Variants in DSG4 observed in about 807,000 individuals in gnomAD.
DSG4 encodes the protein desmoglein 4.
DSG4 carries 87 observed loss-of-function variants against 93.1 expected under a neutral mutation model. The observed-to-expected ratio is 0.93, with a 90% CI of 0.79 to 1.12. The LOEUF is 1.12. Among genes scored for constraint, DSG4 ranks in the 50% most tolerant of loss-of-function variants. The pLI, the probability that DSG4 is intolerant of heterozygous loss-of-function variation, is 0.00. For missense variants in DSG4, 1,373 were observed against 1,285.7 expected (o/e 1.07, Z -1.04); for synonymous variants, 432 against 452.9 (o/e 0.95, Z 0.59).
intron 8 of DSG4, among the ~76,000 whole-genome samples, chr18:31,398,171 T>C (rs1005197799): frequency 2.6e-5 from 4 of 152,178 alleles, no homozygotes; most frequent in African/African-American, 9.7e-5. Flanking sequence ...ATAATTTATA[T>C]TCAGTTCTGT....
At chr18:31,412,709 C>A in intron 15 of DSG4, 119 bp from the exon 16 acceptor site, 2 of 1,023,592 alleles carry the variant, frequency 2.0e-6, no homozygotes, top group African/African-American at 1.6e-5. Flanking sequence ...GTGATTGATA[C>A]CATTATTCAG....
chr18:31,414,287 C>T lies in DSG4; in HGVS notation c.*692C>T, dbSNP rs919719976. The T allele has an allele frequency of 4.7e-5, 7 of 148,588 alleles. No homozygotes were observed. Among genetic ancestry groups the T allele is most frequent in the Non-Finnish European group, 9.0e-5 (6 of 66,988 alleles). The allele number at this position is 148,588 out of a possible 1,614,324, so 9.2% of individuals were successfully genotyped here. On this transcript the variant is annotated 3_prime_UTR_variant, in exon 16 of 16. Coordinates refer to ENST00000308128, the MANE Select transcript of DSG4 (RefSeq NM_177986.5). ...TTAACTGTAAATTAATCTAGAATAG[C>T]AAAAAAAAATGACAATCCTAAAGTA...
chr18:31,377,023 C>T (rs111759738), intron 1 of DSG4, 64 bp downstream of exon 1: 27 of 1,548,050 alleles, frequency 1.7e-5, no homozygotes, highest in African/African-American at 9.6e-5. Flanking sequence ...TGTCAACTGT[C>T]GGGCTTTCTA....
At chr18:31,392,923 C>G (rs964822802) in intron 8 of DSG4, among the ~76,000 whole-genome samples, 1 of 152,154 alleles carries the variant, frequency 6.6e-6, no homozygotes, top group Non-Finnish European at 1.5e-5. Context: ...GAAGTCAGAT[C>G]AGAGAAGTGA....
At position 31,409,749 on chromosome 18, in the gene DSG4, T is replaced by C. The variant is rs1185325374; in HGVS notation, c.2078T>C (p.Val693Ala). 6.2e-7 allele frequency: 1 copy of C among 1,614,098 alleles called. No individual in the cohort carries two copies. Among genetic ancestry groups the C allele is most frequent in the Admixed American group, 1.7e-5 (1 of 60,010 alleles). ...AATGTTTATTTTTCTTTTCAGGATG[T>C]GTCAAATATATGTGCACCCATGACA... Reference protein sequence around the residue: ...IEGAHPEDRDVSNICAPMTAS... With the variant: ...IEGAHPEDRDASNICAPMTAS... The change falls in exon 14 of 16, where the codon GTG (valine) becomes GCG (alanine). Residue 693 changes from valine (V) to alanine (A), a missense_variant. Val to Ala is a moderately conservative substitution (Grantham distance 64). Coordinates refer to ENST00000308128, the MANE Select transcript of DSG4 (RefSeq NM_177986.5).
At position 31,412,958 on chromosome 18, in the gene DSG4, A is replaced by G. The variant is rs2072511755; in HGVS notation, c.2486A>G (p.Asp829Gly). 6.2e-7 allele frequency: 1 copy of G among 1,614,048 alleles called. No homozygotes were observed. The highest frequency in any genetic ancestry group is 1.1e-5 in the South Asian group (1 of 91,092). ...TGCAGTTGGATTGTGGATGACTTAG[A>G]TGAAAGCTGCATGGAAACTTTAGAT... is the stretch of plus-strand genomic sequence containing the variant. Reference protein sequence around the residue: ...GCCSWIVDDLDESCMETLDPK... With the variant: ...GCCSWIVDDLGESCMETLDPK... Residue 829 changes from aspartate to glycine, a missense_variant, in exon 16 of 16, where the codon GAT (aspartate) becomes GGT (glycine). Transcript: ENST00000308128.
chr18:31,395,827 C>T (rs147600056), intron 8 of DSG4, among the ~76,000 whole-genome samples: 1,557 of 152,194 alleles, frequency 0.01, 21 homozygotes, highest in African/African-American at 0.035. Context: ...GGGGTGAAAC[C>T]AAGTCTCTAG....
intron 1 of DSG4, among the ~76,000 whole-genome samples, chr18:31,384,532 G>T (rs911397959): frequency 2.6e-5 from 4 of 152,076 alleles, no homozygotes; most frequent in Non-Finnish European, 4.4e-5. Flanking sequence ...ATAGAAATGT[G>T]GTATAAGAGT....
chr18:31,382,806 T>C (rs576943068), intron 1 of DSG4, among the ~76,000 whole-genome samples: 1 of 152,178 alleles, frequency 6.6e-6, no homozygotes, highest in Non-Finnish European at 1.5e-5. Flanking sequence ...GCATAGGTTC[T>C]GCTAGATGAA....
At chr18:31,381,174 T>C (rs1271973024) in intron 1 of DSG4, among the ~76,000 whole-genome samples, 2 of 152,200 alleles carry the variant, frequency 1.3e-5, no homozygotes, top group African/African-American at 4.8e-5. Context: ...AATCATATAT[T>C]TCCCACCCAC....
chr18:31,382,135 C>G (rs1481353897), intron 1 of DSG4, among the ~76,000 whole-genome samples: 2 of 152,164 alleles, frequency 1.3e-5, no homozygotes, highest in Non-Finnish European at 2.9e-5. Context: ...ACACATCTCT[C>G]CAGGTTATGT....
chr18:31,388,622 G>C (rs1023602402), intron 4 of DSG4, 100 bp downstream of exon 4: 5 of 1,506,784 alleles, frequency 3.3e-6, no homozygotes, highest in Non-Finnish European at 3.6e-6. Flanking sequence ...ATAAAACATG[G>C]CAGACTGAAC....
At chr18:31,403,765 G>GA (rs1218311882) in intron 11 of DSG4, 131 bp downstream of exon 11, 23 of 823,550 alleles carry the variant, frequency 2.8e-5, no homozygotes, top group South Asian at 1.1e-4. Flanking sequence ...AACATTAAAT[G>GA]AAAAAAATAT....
chr18:31,400,841 T>C (rs2072356662), intron 9 of DSG4, 40 bp from the exon 10 acceptor site: 1 of 1,605,108 alleles, frequency 6.2e-7, no homozygotes, highest in Non-Finnish European at 8.5e-7. Flanking sequence ...GTACTAACTT[T>C]CATAAAAGCA....
chr18:31,384,838 C>T (rs1278963258), intron 1 of DSG4, among the ~76,000 whole-genome samples: 1 of 152,128 alleles, frequency 6.6e-6, no homozygotes, highest in Non-Finnish European at 1.5e-5. Flanking sequence ...TCCCTACTCT[C>T]CTAGGAAGTC....
intron 3 of DSG4, 63 bp downstream of exon 3, chr18:31,386,882 C>T (rs1456853627): frequency 3.1e-6 from 5 of 1,606,696 alleles, no homozygotes; most frequent in Non-Finnish European, 4.3e-6. Flanking sequence ...TCAAATATCT[C>T]CAAGATTTGC....
At position 31,406,343 on chromosome 18, in the gene DSG4, A is replaced by G. The variant is rs973081386; in HGVS notation, c.1903A>G (p.Met635Val). The G allele has an allele frequency of 3.7e-6, 6 of 1,614,096 alleles. No homozygotes were observed. Among genetic ancestry groups the G allele is most frequent in the Admixed American group, 3.3e-5 (2 of 60,010 alleles). The change falls in exon 12 of 16, where the codon ATG (methionine) becomes GTG (valine). Residue 635 changes from methionine to valine, a missense_variant. Coordinates refer to ENST00000308128, the MANE Select transcript of DSG4 (RefSeq NM_177986.5). ...NVGLGPAGIG[M>V]MVLGILLLIL... ...TGGTCTTGGACCAGCAGGGATTGGCATGATGGTTCTGGGCATCCTGCTACT... is the reference window on the plus strand; with the variant it reads ...TGGTCTTGGACCAGCAGGGATTGGCGTGATGGTTCTGGGCATCCTGCTACT...
chr18:31,392,160 A>T lies in DSG4; in HGVS notation c.825A>T (p.Ser275=). Residue 275 remains serine, a synonymous_variant, in exon 8 of 16, where the codon TCA becomes TCT. Coordinates refer to ENST00000308128, the MANE Select transcript of DSG4 (RefSeq NM_177986.5). ...AATTGATCCTTGCATTTTAGTACTC[A>T]GCCAGTATTGAAGAGAATTGTTTAA... ...NFPTLEKTSY[S]ASIEENCLSS... The T allele has an allele frequency of 1.2e-6, 2 of 1,613,640 alleles. No homozygotes were observed. The highest frequency in any genetic ancestry group is 1.7e-6 in the Non-Finnish European group (2 of 1,179,740).
At position 31,413,338 on chromosome 18, in the gene DSG4, T is replaced by C. The variant is rs370593006; in HGVS notation, c.2866T>C (p.Leu956=). 2 of 1,614,148 alleles carry C rather than the reference T, an allele frequency of 1.2e-6. No homozygotes were observed. ...IQGNICVPAE[L]ADYNNVIYAE... The stretch of plus-strand genomic sequence containing the variant: ...AGGGAATATTTGTGTACCTGCTGAG[T>C]TAGCAGATTACAACAATGTAATCTA... The change falls in exon 16 of 16, where the codon TTA becomes CTA. Residue 956 remains leucine, a synonymous_variant. Coordinates refer to ENST00000308128, the MANE Select transcript of DSG4 (RefSeq NM_177986.5).
Sources: gnomAD v4.1 joint callset for allele counts (sites outside exome capture counted in the v4.1 genomes callset) on GRCh38, gnomAD v4.1.1 for gene constraint, MANE v1.5 for transcripts, NCBI Gene and HGNC (gene_info 2026-07-23, HGNC 2026-07-21) for gene names.